Variants in TYK2 observed in about 807,000 individuals in gnomAD.
TYK2 encodes the protein tyrosine kinase 2, also known as non-receptor tyrosine-protein kinase TYK2.
In TYK2, 65 loss-of-function variants were observed where a neutral mutation model predicts 130.9. The observed-to-expected ratio is 0.50, with a 90% CI of 0.41 to 0.61. The LOEUF is 0.61. Among genes scored for constraint, TYK2 ranks in the 20% least tolerant of loss-of-function variants. The pLI, the probability that TYK2 is intolerant of heterozygous loss-of-function variation, is 0.00. For synonymous variants in TYK2, 647 were observed against 658.9 expected, an observed-to-expected ratio of 0.98 and a Z score of 0.28; for missense variants, 1,378 against 1,610.7, an observed-to-expected ratio of 0.86 and a Z score of 2.47.
rs1391138496 is a variant in TYK2 at position 10,368,072 on chromosome 19, C to T, written c.448G>A (p.Glu150Lys). Residue 150 changes from glutamate (E) to lysine (K), a missense_variant, in exon 5 of 25, where the codon GAG (glutamate) becomes AAG (lysine). Coordinates refer to ENST00000525621, the MANE Select transcript of TYK2 (RefSeq NM_003331.5). ...GCTCATACCTGCTCAAAGAGGTACTCAAATGAGGCTGGGTCCAGGAGTTGC... is the reference window on the plus strand; with the variant it reads ...GCTCATACCTGCTCAAAGAGGTACTTAAATGAGGCTGGGTCCAGGAGTTGC... ...GMQLLDPASF[E>K]YLFEQGKHEF... The T allele has an allele frequency of 6.2e-7, 1 of 1,614,058 alleles. No individual in the cohort carries two copies. Among genetic ancestry groups the T allele is most frequent in the African/African-American group, 1.3e-5 (1 of 74,936 alleles).
intron 2 of TYK2, 121 bp from the exon 3 acceptor site, chr19:10,378,547 T>C (rs1164537656): frequency 5.1e-6 from 4 of 790,576 alleles, no homozygotes; most frequent in Non-Finnish European, 8.3e-6. Context: ...CATCTTGGCA[T>C]GACATTAGAG....
chr19:10,358,279 G>A, intron 15 of TYK2, 141 bp from the exon 16 acceptor site: 2 of 802,640 alleles, frequency 2.5e-6, no homozygotes, highest in South Asian at 2.2e-5. Context: ...TTTTTTGGGG[G>A]GTTATTTTTT....
chr19:10,366,588 C>T lies in TYK2; in HGVS notation c.466-8G>A. The T allele has an allele frequency of 1.2e-6, 2 of 1,613,916 alleles. No homozygotes were observed. The highest frequency in any genetic ancestry group is 1.7e-6 in the Non-Finnish European group (2 of 1,180,018). ...CACAAACTCATGCTTGCCCTGGGAA[C>T]AGGAAATTGAGCAGAAAGGGAGGTG... On this transcript the variant is annotated splice_polypyrimidine_tract_variant and splice_region_variant and intron_variant, in intron 5 of 24. Coordinates refer to ENST00000525621, the MANE Select transcript of TYK2 (RefSeq NM_003331.5).
chr19:10,355,897 G>A (rs2041076898), intron 18 of TYK2, among the ~76,000 whole-genome samples: 2 of 152,076 alleles, frequency 1.3e-5, no homozygotes, highest in Non-Finnish European at 2.9e-5. Flanking sequence ...GGGAGACGGA[G>A]GTTGCAGTGA....
chr19:10,353,154 G>A lies in TYK2; in HGVS notation c.3028-56C>T. The A allele has an allele frequency of 1.4e-6, 2 of 1,414,808 alleles. No individual in the cohort carries two copies. The highest frequency in any genetic ancestry group is 2.6e-5 in the East Asian group (1 of 38,992). 87.6% of individuals were successfully genotyped at this position (1,414,808 alleles called of 1,614,324 possible). A position where few individuals can be genotyped will look rare whatever the true frequency, so the allele number is the denominator to read the frequency against. ...GTGGGGCGGGGTTCGGCCGGGGGCG[G>A]CGGCAGGACCTGAGCAGCCAGGAGG... On this transcript the variant is annotated intron_variant, in intron 21 of 24. Transcript: ENST00000525621. The surrounding 1 kb of genome is among the most constrained non-coding windows in gnomAD (Gnocchi z 6.9).
At position 10,359,303 on chromosome 19, in the gene TYK2, CTG is replaced by C; in HGVS notation, c.2048-3_2048-2del. ...TCCACGTACTCTGTCACCATGATAT[CTG>C]TAAAGACACAGCTGCTCTGGGGCAA... On this transcript the variant is annotated splice_acceptor_variant and splice_polypyrimidine_tract_variant and intron_variant, in intron 14 of 24. Transcript: ENST00000525621. LOFTEE classifies it high-confidence loss of function. 1 of 1,610,766 alleles carries C rather than the reference CTG, an allele frequency of 6.2e-7. No individual in the cohort carries two copies.
rs151106021 is a variant in TYK2 at position 10,365,766 on chromosome 19, C to T, written c.762G>A (p.Met254Ile). The change falls in exon 7 of 25, where the codon ATG (methionine) becomes ATA (isoleucine). Residue 254 changes from methionine to isoleucine, a missense_variant. Coordinates refer to ENST00000525621, the MANE Select transcript of TYK2 (RefSeq NM_003331.5). Reference protein sequence around the residue: ...DFQPGRLSQQMVMVKYLATLE... With the variant: ...DFQPGRLSQQIVMVKYLATLE... ...GTGTGGCTAGGTATTTGACCATGAC[C>T]ATCTGCTGGGAGAGTCGGCCCGGCT... 6 of 1,612,726 alleles carry T rather than the reference C, an allele frequency of 3.7e-6. No homozygotes were observed. The highest frequency in any genetic ancestry group is 5.1e-6 in the Non-Finnish European group (6 of 1,179,870).
chr19:10,365,571 T>C lies in TYK2; in HGVS notation c.957A>G (p.Thr319=), dbSNP rs1317857991. The C allele has an allele frequency of 3.7e-6, 6 of 1,614,096 alleles. No homozygotes were observed. The highest frequency in any genetic ancestry group is 2.2e-5 in the South Asian group (2 of 91,086). ...AGPPTHEVLV[T]GTGGIQWWPV... ...GCCACCACTGGATGCCACCAGTGCCTGTCACCAGCACCTCGTGGGTTGGGG... is the reference window on the plus strand; with the variant it reads ...GCCACCACTGGATGCCACCAGTGCCCGTCACCAGCACCTCGTGGGTTGGGG... The change falls in exon 7 of 25, where the codon ACA becomes ACG. Residue 319 remains threonine, a synonymous_variant. Coordinates refer to ENST00000525621, the MANE Select transcript of TYK2 (RefSeq NM_003331.5).
intron 3 of TYK2, among the ~76,000 whole-genome samples, chr19:10,372,119 T>G (rs2041929000): frequency 6.6e-6 from 1 of 151,590 alleles, no homozygotes; most frequent in South Asian, 2.1e-4. Context: ...GCCTCCCGAG[T>G]AGCTGGGACT....
In TYK2 at chr19:10,364,502, TAA is replaced by T; in HGVS notation, c.1367+110_1367+111del. ...GCACTCCAGTTTGGGCGACAAAAAA[TAA>T]AAAAAAAATAAGACGTGCACCTACA... is the stretch of plus-strand genomic sequence containing the variant. On this transcript the variant is annotated intron_variant, in intron 9 of 24. Coordinates refer to ENST00000525621, the MANE Select transcript of TYK2 (RefSeq NM_003331.5). The surrounding 1 kb of genome is among the most constrained non-coding windows in gnomAD (Gnocchi z 4.9). The T allele has an allele frequency of 8.4e-6, 10 of 1,183,544 alleles. No individual in the cohort carries two copies. The highest frequency in any genetic ancestry group is 1.1e-5 in the Non-Finnish European group (9 of 848,870). 73.3% of individuals were successfully genotyped at this position (1,183,544 alleles called of 1,614,324 possible).
chr19:10,369,123 CTTGA>C (rs1311861658), intron 3 of TYK2, among the ~76,000 whole-genome samples: 3 of 151,872 alleles, frequency 2.0e-5, no homozygotes, highest in East Asian at 1.9e-4. Flanking sequence ...TTAGGTAAAC[CTTGA>C]TTAAGATTTG....
intron 15 of TYK2, among the ~76,000 whole-genome samples, 156 bp from the exon 16 acceptor site, chr19:10,358,294 GTTTTTTTT>G (rs770531180): frequency 2.2e-5 from 2 of 91,442 alleles, no homozygotes; most frequent in African/African-American, 4.4e-5. Context: ...TTTTTTTCTT[GTTTTTTTT>G]TTTTTTTTTT....
intron 3 of TYK2, among the ~76,000 whole-genome samples, chr19:10,375,133 C>T (rs976478299): frequency 3.3e-5 from 5 of 150,200 alleles, no homozygotes; most frequent in Admixed American, 2.7e-4. Context: ...TGCACCACTG[C>T]ATTTCAGCCT....
chr19:10,359,246 C>T lies in TYK2; in HGVS notation c.2104G>A (p.Glu702Lys). 1 of 1,611,372 alleles carries T rather than the reference C, an allele frequency of 6.2e-7. No individual in the cohort carries two copies. The highest frequency in any genetic ancestry group is 8.5e-7 in the Non-Finnish European group (1 of 1,179,948). ...CAAGCCATGGGCACATGGCCCCGCT[C>T]CCTCCGCAGCCACACATCCAGGGGT... ...HGPLDVWLRR[E>K]RGHVPMAWKM... The change falls in exon 15 of 25, where the codon GAG becomes AAG. Residue 702 changes from glutamate (E) to lysine (K), a missense_variant. Physicochemically the swap from Glu to Lys is moderately conservative, Grantham distance 56 (BLOSUM62 1). Coordinates refer to ENST00000525621, the MANE Select transcript of TYK2 (RefSeq NM_003331.5).
At chr19:10,356,840 A>G in intron 17 of TYK2, 122 bp from the exon 18 acceptor site, 1 of 1,038,880 alleles carries the variant, frequency 9.6e-7, no homozygotes, top group Non-Finnish European at 1.4e-6. Context: ...GTTCCATTAT[A>G]CAGATGAGGC....
chr19:10,366,987 T>G (rs972088793), intron 5 of TYK2, among the ~76,000 whole-genome samples: 1 of 150,892 alleles, frequency 6.6e-6, no homozygotes, highest in Non-Finnish European at 1.5e-5. Context: ...GAGGTTGCAG[T>G]GAGCTGAGAT....
Position 10,368,652 on chromosome 19 carries a change from A to C in TYK2, c.194-234T>G, listed in dbSNP as rs757599090. 125 of 531,066 alleles carry C rather than the reference A, an allele frequency of 2.4e-4. No homozygotes were observed. The Middle Eastern group carries it at 2.8e-3, about 12-fold the overall frequency. 32.9% of individuals were successfully genotyped at this position (531,066 alleles called of 1,614,324 possible). A position where few individuals can be genotyped will look rare whatever the true frequency, so the allele number is the denominator to read the frequency against. The stretch of plus-strand genomic sequence containing the variant: ...TTGCAGCTAGGATGGAGCCAATTGC[A>C]CTGCTGGTTTCTGGCCAAAGGGCTG... On this transcript the variant is annotated intron_variant, in intron 3 of 24. Transcript: ENST00000525621.
At chr19:10,360,676 GCACA>G (rs368533583) in intron 14 of TYK2, among the ~76,000 whole-genome samples, 3 of 147,836 alleles carry the variant, frequency 2.0e-5, no homozygotes, top group African/African-American at 7.5e-5. Context: ...TGGGGGAGAT[GCACA>G]CACACACACA....
chr19:10,350,702 G>T lies in TYK2; in HGVS notation c.*132C>A. The T allele has an allele frequency of 8.9e-7, 1 of 1,122,322 alleles. No individual in the cohort carries two copies. The highest frequency in any genetic ancestry group is 1.3e-6 in the Non-Finnish European group (1 of 782,250). 69.5% of individuals were successfully genotyped at this position (1,122,322 alleles called of 1,614,324 possible). A position where few individuals can be genotyped will look rare whatever the true frequency, so the allele number is the denominator to read the frequency against. On this transcript the variant is annotated 3_prime_UTR_variant, in exon 25 of 25. Transcript: ENST00000525621. Reference sequence around the variant, plus strand: ...TAAGTTCACAGAGGTGGGGTCTCTAGACAGGAGTAAGGCACACGGTGTGGG... The same window carrying T: ...TAAGTTCACAGAGGTGGGGTCTCTATACAGGAGTAAGGCACACGGTGTGGG...
Sources: gnomAD v4.1 joint callset for allele counts (sites outside exome capture counted in the v4.1 genomes callset) on GRCh38, gnomAD v4.1.1 for gene constraint, Gnocchi (gnomAD v3.1) non-coding constraint, MANE v1.5 for transcripts, NCBI Gene and HGNC (gene_info 2026-07-23, HGNC 2026-07-21) for gene names.